LARS2: variants seen among roughly 807,000 people sequenced by gnomAD.
The protein encoded by LARS2 is leucine--tRNA ligase, mitochondrial.
Under a neutral mutation model 116.6 loss-of-function variants are expected in LARS2, and 81 were observed. The ratio of observed to expected loss-of-function variants is 0.69; its 90% CI spans 0.58 to 0.84. The LOEUF is 0.84. Ranked by LOEUF, LARS2 falls within the 40% of genes least tolerant of loss-of-function variation. The pLI is 0.00. For missense variants in LARS2, 968 were observed against 1,114.5 expected (o/e 0.87, Z 1.87); for synonymous variants, 396 against 407.2 (o/e 0.97, Z 0.33).
At chr3:45,502,417 AC>A (rs1277549124) in intron 15 of LARS2, among the ~76,000 whole-genome samples, 1 of 152,042 alleles carries the variant, frequency 6.6e-6, no homozygotes, top group African/African-American at 2.4e-5. Flanking sequence ...CTTTATGGCT[AC>A]TGCTTTCGGT....
intron 6 of LARS2, among the ~76,000 whole-genome samples, chr3:45,435,260 A>T (rs1315308158): frequency 6.6e-6 from 1 of 152,004 alleles, no homozygotes; most frequent in East Asian, 1.9e-4. Flanking sequence ...AGGAGTCCAG[A>T]CTTGTCCTGT....
At chr3:45,407,338 C>T (rs1488448732) in intron 4 of LARS2, among the ~76,000 whole-genome samples, 1 of 152,158 alleles carries the variant, frequency 6.6e-6, no homozygotes, top group Non-Finnish European at 1.5e-5. Flanking sequence ...ATTTGCAAAT[C>T]TCTGTAGCAT....
At chr3:45,432,193 C>T (rs899440799) in intron 6 of LARS2, among the ~76,000 whole-genome samples, 2 of 152,116 alleles carry the variant, frequency 1.3e-5, no homozygotes, top group African/African-American at 4.8e-5. Context: ...GAGAAATAGA[C>T]AGTTCCACAG....
intron 6 of LARS2, 57 bp from the exon 7 acceptor site, chr3:45,446,834 C>A: frequency 4.0e-6 from 4 of 992,260 alleles, no homozygotes; most frequent in South Asian, 2.9e-5. Flanking sequence ...ACTGAGCATG[C>A]ATGGCTGGGG....
At chr3:45,491,459 C>G (rs1480677045) in intron 12 of LARS2, 58 bp from the exon 13 acceptor site, 2 of 1,563,814 alleles carry the variant, frequency 1.3e-6, no homozygotes, top group African/African-American at 2.7e-5. Flanking sequence ...GTGGCAGCAT[C>G]AGGGTGGTGA....
intron 14 of LARS2, among the ~76,000 whole-genome samples, chr3:45,499,629 GA>G (rs143218200): frequency 0.04 from 6,064 of 149,930 alleles, 333 homozygotes; most frequent in African/African-American, 0.13. Context: ...CTTTAATAAA[GA>G]AAAAAAAATG....
intron 12 of LARS2, among the ~76,000 whole-genome samples, chr3:45,489,658 A>G (rs1575287935): frequency 1.3e-5 from 2 of 152,314 alleles, no homozygotes; most frequent in East Asian, 3.9e-4. Flanking sequence ...AGATCCCTAT[A>G]TGATTTGTAT....
At chr3:45,515,495 C>T (rs750439259) in intron 16 of LARS2, among the ~76,000 whole-genome samples, 9 of 152,306 alleles carry the variant, frequency 5.9e-5, no homozygotes, top group Non-Finnish European at 1.0e-4. Context: ...CATCCAAATG[C>T]GGCCATTTAA....
At chr3:45,457,398 G>A (rs547150030) in intron 7 of LARS2, among the ~76,000 whole-genome samples, 1 of 152,228 alleles carries the variant, frequency 6.6e-6, no homozygotes, top group East Asian at 1.9e-4. Flanking sequence ...AAATTTTACG[G>A]CTAGGCCTGG....
chr3:45,535,599 A>G (rs1331141235), intron 20 of LARS2, among the ~76,000 whole-genome samples: 1 of 152,164 alleles, frequency 6.6e-6, no homozygotes, highest in Non-Finnish European at 1.5e-5. Flanking sequence ...GATGGAGAAC[A>G]TATTCATGGT....
chr3:45,539,125 TA>T (rs1700753031), intron 20 of LARS2, among the ~76,000 whole-genome samples: 2 of 152,186 alleles, frequency 1.3e-5, no homozygotes, highest in South Asian at 2.1e-4. Flanking sequence ...TTGACCATGT[TA>T]TTTTTTTTTA....
At chr3:45,406,349 G>A (rs1698231503) in intron 4 of LARS2, among the ~76,000 whole-genome samples, 1 of 152,214 alleles carries the variant, frequency 6.6e-6, no homozygotes, top group Non-Finnish European at 1.5e-5. Flanking sequence ...TCAGGAATTG[G>A]TATTTAAATA....
chr3:45,444,227 A>T (rs528342697), intron 6 of LARS2, among the ~76,000 whole-genome samples: 4 of 141,060 alleles, frequency 2.8e-5, no homozygotes, highest in African/African-American at 1.0e-4. Flanking sequence ...GTTAGCGAGG[A>T]TGGTCTCAAT....
chr3:45,492,842 T>G (rs536024790), intron 13 of LARS2, among the ~76,000 whole-genome samples: 1 of 152,308 alleles, frequency 6.6e-6, no homozygotes, highest in East Asian at 1.9e-4. Context: ...GAGGCAGTTT[T>G]GAAATTCAAG....
intron 14 of LARS2, 95 bp downstream of exon 14, chr3:45,496,468 T>TG: frequency 2.2e-6 from 2 of 920,314 alleles, no homozygotes; most frequent in Non-Finnish European, 3.5e-6. Context: ...AGAGATTTCT[T>TG]GGGGGGAAAT....
At chr3:45,522,374 A>T (rs1283839544) in intron 19 of LARS2, among the ~76,000 whole-genome samples, 4 of 152,248 alleles carry the variant, frequency 2.6e-5, no homozygotes, top group African/African-American at 9.6e-5. Context: ...CACCACCATT[A>T]ACCTCATGTC....
chr3:45,464,455 C>G (rs559183350), intron 8 of LARS2, among the ~76,000 whole-genome samples: 3 of 152,186 alleles, frequency 2.0e-5, no homozygotes, highest in Admixed American at 6.5e-5. Context: ...GCTTTCTGCT[C>G]GTAACTTCAG....
At chr3:45,389,524 C>T (rs981996064) in intron 1 of LARS2, among the ~76,000 whole-genome samples, 1 of 152,220 alleles carries the variant, frequency 6.6e-6, no homozygotes, top group Non-Finnish European at 1.5e-5. Context: ...GGCACTCCCT[C>T]CTGCCTGTGC....
intron 5 of LARS2, 30 bp downstream of exon 5, chr3:45,417,603 T>G (rs1698451357): frequency 6.4e-7 from 1 of 1,551,298 alleles, no homozygotes; most frequent in African/African-American, 1.4e-5. Context: ...TTCAAATACT[T>G]GCATACAAAA....
Sources: allele counts gnomAD v4.1 joint callset (sites outside exome capture counted in the v4.1 genomes callset), GRCh38; gene constraint gnomAD v4.1.1; transcripts MANE v1.5; gene names NCBI Gene and HGNC (gene_info 2026-07-23, HGNC 2026-07-21).